Variants in APOO observed in about 807,000 individuals in gnomAD.
APOO encodes MICOS complex subunit MIC26.
A neutral mutation model predicts 23.1 loss-of-function variants in APOO; 11 were observed. The observed-to-expected ratio is 0.48, with a 90% CI of 0.30 to 0.79. The LOEUF (loss-of-function observed/expected upper bound fraction) is 0.79, where lower values mean the gene tolerates loss of function less well. APOO is among the 30% of genes least tolerant of loss of function. The pLI is 0.07. For synonymous variants in APOO, 59 were observed against 54.8 expected (o/e 1.08, Z -0.34); for missense variants, 160 against 142.7 (o/e 1.12, Z -0.62).
At chrX:23,902,039 C>T (rs1927151497) in intron 1 of APOO, among the ~76,000 whole-genome samples, 1 of 111,740 alleles carries the variant, frequency 8.9e-6, no homozygotes, top group Admixed American at 9.6e-5. Context: ...CCTGCTGTTG[C>T]TCTTCCCTCT....
chrX:23,849,583 T>TAAAAAAAAAAAAAAAAAAAA lies in APOO; in HGVS notation c.561+6699_561+6718dup, dbSNP rs143362355. On this transcript the variant is annotated intron_variant, in intron 7 of 8. Transcript: ENST00000379226. The stretch of plus-strand genomic sequence containing the variant: ...GGGAGCCTGTAGATTAAGAGAGACT[T>TAAAAAAAAAAAAAAAAAAAA]AAAAAAAAAAAAAAAAAAAAAAAAA... Among the ~76,000 whole-genome samples the TAAAAAAAAAAAAAAAAAAAA allele has an allele frequency of 3.1e-4, 10 of 32,595 alleles. 1 individual carries two copies. The highest frequency in any genetic ancestry group is 6.9e-4 in the African/African-American group (5 of 7,233). The allele number at this position is 32,595 out of a possible 115,157, so 28.3% of individuals were successfully genotyped here.
At chrX:23,876,722 C>T (rs1410156014) in intron 3 of APOO, among the ~76,000 whole-genome samples, 2 of 111,469 alleles carry the variant, frequency 1.8e-5, no homozygotes, top group Non-Finnish European at 3.8e-5. Context: ...TCACCTGAAC[C>T]CGGGAGGCGG....
chrX:23,843,337 T>C (rs1448795798), intron 7 of APOO, among the ~76,000 whole-genome samples: 1 of 111,091 alleles, frequency 9.0e-6, no homozygotes, highest in African/African-American at 3.3e-5. Context: ...TAAAAAAATA[T>C]TGAGCCCATC....
Position 23,852,071 on chromosome X carries a change from G to A in APOO, c.561+4231C>T, listed in dbSNP as rs961928671. ...CCCAAGTAGGTGGGATTACAGGTGT[G>A]TGCCACCATGCCTGGCTAATTTTTG... On this transcript the variant is annotated intron_variant, in intron 7 of 8. Transcript: ENST00000379226. Among the ~76,000 whole-genome samples the A allele has an allele frequency of 7.2e-5, 8 of 110,496 alleles. No individual in the cohort carries two copies. The South Asian group carries it at 3.1e-3, about 42-fold the overall frequency.
Position 23,907,877 on chromosome X carries a change from G to A in APOO, c.-175C>T. ...GGCGAAGGTTTAGTTCAATCACCCGGTTCTAGAAGCCGCGTCGCTGAGCCG... is the reference window on the plus strand; with the variant it reads ...GGCGAAGGTTTAGTTCAATCACCCGATTCTAGAAGCCGCGTCGCTGAGCCG... On this transcript the variant is annotated 5_prime_UTR_variant, in exon 1 of 9. Coordinates refer to ENST00000379226, the MANE Select transcript of APOO (RefSeq NM_024122.5). The A allele has an allele frequency of 4.0e-6, 2 of 500,847 alleles. No homozygotes were observed. The highest frequency in any genetic ancestry group is 5.3e-5 in the South Asian group (1 of 19,026). The allele number at this position is 500,847 out of a possible 1,213,427, so 41.3% of individuals were successfully genotyped here.
chrX:23,900,943 A>G (rs998667995), intron 1 of APOO, among the ~76,000 whole-genome samples: 2 of 111,882 alleles, frequency 1.8e-5, no homozygotes, highest in Admixed American at 1.9e-4. Context: ...ACTGTTAGGG[A>G]AAAAAAACCT....
rs148938628 is a variant in APOO at position 23,854,956 on chromosome X, G to A, written c.561+1346C>T. Among the ~76,000 whole-genome samples the A allele has an allele frequency of 8.2e-3, 915 of 110,920 alleles. 7 individuals are homozygous for A. The highest frequency in any genetic ancestry group is 0.027 in the African/African-American group (838 of 30,592). ...TATTGGTATAGAATTTCCTATTCAA[G>A]AGCTAGTTTAAATAGGCTCGAGAAG... On this transcript the variant is annotated intron_variant, in intron 7 of 8. Coordinates refer to ENST00000379226, the MANE Select transcript of APOO (RefSeq NM_024122.5).
intron 2 of APOO, among the ~76,000 whole-genome samples, chrX:23,880,557 G>A (rs1475934525): frequency 9.1e-6 from 1 of 109,929 alleles, no homozygotes; most frequent in Non-Finnish European, 1.9e-5. Flanking sequence ...AAATTAGCCA[G>A]GCGTGGTGGC....
At chrX:23,849,051 G>T (rs964772750) in intron 7 of APOO, among the ~76,000 whole-genome samples, 2 of 108,877 alleles carry the variant, frequency 1.8e-5, no homozygotes. Flanking sequence ...TAGAGACAGG[G>T]TTTCACCGTC....
intron 1 of APOO, among the ~76,000 whole-genome samples, chrX:23,883,014 G>C (rs1926213870): frequency 9.0e-6 from 1 of 111,416 alleles, no homozygotes; most frequent in African/African-American, 3.3e-5. Context: ...AGGAGGTGGA[G>C]ATTGCAGTGA....
At chrX:23,862,326 G>A (rs766443607) in intron 5 of APOO, among the ~76,000 whole-genome samples, 1 of 111,232 alleles carries the variant, frequency 9.0e-6, no homozygotes, top group Non-Finnish European at 1.9e-5. Context: ...CAAAGAACAG[G>A]AAGGAGCTCT....
At position 23,889,693 on chromosome X, in the gene APOO, C is replaced by T. The variant is rs753389190; in HGVS notation, c.10-8741G>A. On this transcript the variant is annotated intron_variant, in intron 1 of 8. Coordinates refer to ENST00000379226, the MANE Select transcript of APOO (RefSeq NM_024122.5). ...TTTTTTTTTTTTTAAGACAGAGCCTCGCTCTGTCGCCCAGGCTGGAGTGCA... is the reference window on the plus strand; with the variant it reads ...TTTTTTTTTTTTTAAGACAGAGCCTTGCTCTGTCGCCCAGGCTGGAGTGCA... Among the ~76,000 whole-genome samples, 224 of 94,959 alleles carry T rather than the reference C, an allele frequency of 2.4e-3. 2 individuals are homozygous for T. Among genetic ancestry groups the T allele is most frequent in the Non-Finnish European group, 3.7e-3 (179 of 48,423 alleles). 82.5% of individuals were successfully genotyped at this position (94,959 alleles called of 115,157 possible).
At chrX:23,858,228 C>T (rs187431929) in intron 6 of APOO, among the ~76,000 whole-genome samples, 48 of 111,010 alleles carry the variant, frequency 4.3e-4, no homozygotes, top group African/African-American at 1.4e-3. Context: ...AGCAAGGGCA[C>T]CAGTACTAGG....
intron 7 of APOO, among the ~76,000 whole-genome samples, chrX:23,845,464 T>C (rs1195413675): frequency 2.7e-5 from 3 of 112,090 alleles, no homozygotes; most frequent in African/African-American, 6.5e-5. Context: ...GAACTTATTC[T>C]CTTTGCTTGA....
chrX:23,904,203 C>T (rs1023564584), intron 1 of APOO, among the ~76,000 whole-genome samples: 1 of 111,299 alleles, frequency 9.0e-6, no homozygotes, highest in Non-Finnish European at 1.9e-5. Context: ...AAAAGAACTC[C>T]ATTGTGTTCA....
At chrX:23,869,037 T>C (rs1346867774) in intron 4 of APOO, among the ~76,000 whole-genome samples, 1 of 108,910 alleles carries the variant, frequency 9.2e-6, no homozygotes, top group African/African-American at 3.3e-5. Context: ...GCCTCCCAAG[T>C]AGCTGGGATT....
chrX:23,905,159 C>T (rs1055852584), intron 1 of APOO, among the ~76,000 whole-genome samples: 4 of 109,343 alleles, frequency 3.7e-5, no homozygotes, highest in Non-Finnish European at 7.6e-5. Context: ...GAGGCCAAGG[C>T]GGGCGAATCA....
chrX:23,841,735 G>A lies in APOO; in HGVS notation c.562-1358C>T, dbSNP rs550045591. On this transcript the variant is annotated intron_variant, in intron 7 of 8. Transcript: ENST00000379226. ...CCTCCTCACATGCATGCACACAAGC[G>A]AACACACATACCCATATGTGAACAC... Among the ~76,000 whole-genome samples, 796 of 109,234 alleles carry A rather than the reference G, an allele frequency of 7.3e-3. 2 individuals are homozygous for A. Among genetic ancestry groups the A allele is most frequent in the Non-Finnish European group, 0.012 (630 of 52,543 alleles). 94.9% of individuals were successfully genotyped at this position (109,234 alleles called of 115,157 possible).
chrX:23,862,010 G>T (rs1031794720), intron 5 of APOO, among the ~76,000 whole-genome samples: 15 of 109,399 alleles, frequency 1.4e-4, no homozygotes, highest in African/African-American at 4.7e-4. Flanking sequence ...TCCCATGTTG[G>T]CCAGGCTGGT....
Sources: gnomAD v4.1 joint callset for allele counts (sites outside exome capture counted in the v4.1 genomes callset) on GRCh38, gnomAD v4.1.1 for gene constraint, MANE v1.5 for transcripts, NCBI Gene and HGNC (gene_info 2026-07-23, HGNC 2026-07-21) for gene names.